Variants in NOP14 observed in about 807,000 individuals in gnomAD.
NOP14 encodes nucleolar protein 14.
In NOP14, 57 loss-of-function variants were observed where a neutral mutation model predicts 101.6. That is an observed-to-expected ratio of 0.56 (90% CI 0.45 to 0.70). The LOEUF (loss-of-function observed/expected upper bound fraction) is 0.70, where lower values mean the gene tolerates loss of function less well. NOP14 is among the 30% of genes least tolerant of loss of function. The pLI, the probability that NOP14 is intolerant of heterozygous loss-of-function variation, is 0.00. For missense variants in NOP14, 1,134 were observed against 1,075.5 expected, an observed-to-expected ratio of 1.05 and a Z score of -0.76; for synonymous variants, 428 against 424.0, an observed-to-expected ratio of 1.01 and a Z score of -0.12.
intron 15 of NOP14, chr4:2,941,357 G>C (rs1367280522): frequency 1.8e-6 from 1 of 548,550 alleles, no homozygotes; most frequent in East Asian, 3.1e-5. Context: ...CAAGGCGACA[G>C]TTCCCAGCTG....
chr4:2,941,281 A>T, intron 15 of NOP14: 1 of 385,904 alleles, frequency 2.6e-6, no homozygotes, highest in South Asian at 2.8e-5. Flanking sequence ...CTGACTGTCC[A>T]GGCCTGGCAG....
intron 1 of NOP14, 95 bp from the exon 2 acceptor site, chr4:2,957,835 T>A: frequency 8.1e-7 from 1 of 1,240,496 alleles, no homozygotes; most frequent in South Asian, 1.6e-5. Flanking sequence ...TTCAGGGCTA[T>A]GCACAGTGAT....
At chr4:2,945,908 C>T (rs1054886922) in intron 11 of NOP14, among the ~76,000 whole-genome samples, 1 of 152,040 alleles carries the variant, frequency 6.6e-6, no homozygotes. Flanking sequence ...GGCTCGCTGC[C>T]GTGCACTCTC....
chr4:2,950,409 A>G (rs537433176), intron 7 of NOP14, 196 bp from the exon 8 acceptor site: 6 of 618,152 alleles, frequency 9.7e-6, no homozygotes, highest in Non-Finnish European at 1.4e-5. Context: ...GAGCCGCAGG[A>G]GCTACAGGCT....
Position 2,950,211 on chromosome 4 carries a change from A to G in NOP14, c.1005T>C (p.Asp335=), listed in dbSNP as rs765921683. The G allele has an allele frequency of 1.2e-4, 197 of 1,613,018 alleles. No homozygotes were observed. Among genetic ancestry groups the G allele is most frequent in the Non-Finnish European group, 1.6e-4 (194 of 1,179,976 alleles). The part of the protein sequence containing the change: ...KDDRRLLSYK[D]GKMNVEEDVQ... ...CATCTTCCTCGACATTCATCTTTCC[A>G]TCCTACCAAGAGCGTGGAAACCACA... Residue 335 remains aspartate, a splice_region_variant and synonymous_variant, in exon 8 of 18, where the codon GAT becomes GAC. Transcript: ENST00000416614.
chr4:2,946,541 T>A lies in NOP14; in HGVS notation c.1506A>T (p.Leu502Phe), dbSNP rs762099577. 1.2e-6 allele frequency: 2 copies of A among 1,614,030 alleles called. No homozygotes were observed. ...LTVIDKLVVH[L>F]YHLCQMFPES... Reference sequence around the variant, plus strand: ...CAGGAAACATCTGGCAAAGATGATATAAGTGCCTGTTAAGCAGAAATGTAA... The same window carrying A: ...CAGGAAACATCTGGCAAAGATGATAAAAGTGCCTGTTAAGCAGAAATGTAA... Residue 502 changes from leucine (L) to phenylalanine (F), a missense_variant, in exon 11 of 18, where the codon TTA becomes TTT. By Grantham distance (22) the Leu-to-Phe change is conservative. Transcript: ENST00000416614.
rs1436499176 is a variant in NOP14, at chr4:2,941,696, C to T, written c.2085G>A (p.Leu695=). Residue 695 remains leucine (L), a synonymous_variant, in exon 15 of 18, where the codon CTG becomes CTA. Transcript: ENST00000416614. ...ACCCGTACATGAGCACGCAGCGCTT[C>T]AGCAGGGCCAGGCCCACAGCCAGGC... ...LSCLAVGLAL[L]KRCVLMYGSL... is the part of the protein sequence containing the mutation. 2 of 1,613,060 alleles carry T rather than the reference C, an allele frequency of 1.2e-6. No homozygotes were observed. Among genetic ancestry groups the T allele is most frequent in the East Asian group, 2.2e-5 (1 of 44,866 alleles).
chr4:2,946,502 G>A lies in NOP14; in HGVS notation c.1545C>T (p.Asp515=), dbSNP rs375106240. ...LCQMFPESAS[D]AIKFVLRDAM... Reference sequence around the variant, plus strand: ...CATCTCGGAGAACAAATTTGATAGCGTCACTTGCAGATTCAGGAAACATCT... The same window carrying A: ...CATCTCGGAGAACAAATTTGATAGCATCACTTGCAGATTCAGGAAACATCT... The change falls in exon 11 of 18, where the codon GAC becomes GAT. Residue 515 remains aspartate (D), a synonymous_variant. Coordinates refer to ENST00000416614, the MANE Select transcript of NOP14 (RefSeq NM_001291978.2). The A allele has an allele frequency of 2.9e-5, 46 of 1,613,876 alleles. No homozygotes were observed. In the East Asian group the frequency reaches 6.7e-4, roughly 23 times the overall value.
intron 1 of NOP14, among the ~76,000 whole-genome samples, chr4:2,960,118 C>T (rs1345074522): frequency 2.6e-5 from 4 of 152,104 alleles, no homozygotes; most frequent in Non-Finnish European, 4.4e-5. Flanking sequence ...TACAGGCGCA[C>T]GCTGCCACGC....
chr4:2,959,178 C>T (rs1266441138), intron 1 of NOP14, among the ~76,000 whole-genome samples: 3 of 152,196 alleles, frequency 2.0e-5, no homozygotes, highest in South Asian at 2.1e-4. Flanking sequence ...AGGCAATTTT[C>T]GTCATTTTCT....
Position 2,944,703 on chromosome 4 carries a change from G to T in NOP14, c.1737+425C>A, listed in dbSNP as rs578050950. Among the ~76,000 whole-genome samples, 23 of 152,314 alleles carry T rather than the reference G, an allele frequency of 1.5e-4. No homozygotes were observed. In the South Asian group the frequency reaches 4.6e-3, roughly 30 times the overall value. ...ATTACAGGCGTGAGCCACCGCGCCTGGCCAGAGCTATACTGATTATAAAGT... is the reference window on the plus strand; with the variant it reads ...ATTACAGGCGTGAGCCACCGCGCCTTGCCAGAGCTATACTGATTATAAAGT... On this transcript the variant is annotated intron_variant, in intron 12 of 17. Transcript: ENST00000416614.
rs944209058 is a variant in NOP14 at position 2,951,685 on chromosome 4, C to T, written c.871-440G>A. On this transcript the variant is annotated intron_variant, in intron 6 of 17. Coordinates refer to ENST00000416614, the MANE Select transcript of NOP14 (RefSeq NM_001291978.2). Reference sequence around the variant, plus strand: ...ATGTCAAAACAGCCAGCTGAGCCAGCTGTGATGGCAGCCCACACCTGTAAC... The same window carrying T: ...ATGTCAAAACAGCCAGCTGAGCCAGTTGTGATGGCAGCCCACACCTGTAAC... 9.8e-5 allele frequency among the ~76,000 whole-genome samples: 15 copies of T among 152,318 alleles called. No homozygotes were observed. In the East Asian group the frequency reaches 2.9e-3, roughly 29 times the overall value.
At position 2,963,282 on chromosome 4, in the gene NOP14, G is replaced by A. The variant is rs1360647436; in HGVS notation, c.38C>T (p.Ala13Val). 2 of 1,592,754 alleles carry A rather than the reference G, an allele frequency of 1.3e-6. No homozygotes were observed. Among genetic ancestry groups the A allele is most frequent in the Non-Finnish European group, 1.7e-6 (2 of 1,172,156 alleles). Residue 13 changes from alanine to valine, a missense_variant, in exon 1 of 18, where the codon GCC becomes GTC. Coordinates refer to ENST00000416614, the MANE Select transcript of NOP14 (RefSeq NM_001291978.2). ...KAKKVGARRK[A>V]SGAPAGARGG... ...TCGCGCTCCCGCCGGCGCCCCGGAG[G>A]CCTTCCTTCGCGCCCCGACCTTCTT... is the stretch of plus-strand genomic sequence containing the variant.
chr4:2,938,219 C>T lies in NOP14; in HGVS notation c.*612G>A. The T allele has an allele frequency of 7.8e-7, 1 of 1,289,142 alleles. No individual in the cohort carries two copies. The highest frequency in any genetic ancestry group is 1.0e-6 in the Non-Finnish European group (1 of 988,678). 79.9% of individuals were successfully genotyped at this position (1,289,142 alleles called of 1,614,324 possible). On this transcript the variant is annotated 3_prime_UTR_variant, in exon 18 of 18. Transcript: ENST00000416614. ...GGTTGGAATCACACCAACATTATAG[C>T]ATTATTACTCTAAAAAAAATTACTT...
intron 10 of NOP14, 188 bp from the exon 11 acceptor site, chr4:2,946,735 A>G (rs1236795791): frequency 3.4e-6 from 2 of 588,678 alleles, no homozygotes; most frequent in Non-Finnish European, 6.0e-6. Flanking sequence ...ACTCGGCCAT[A>G]ACATTATGGA....
intron 13 of NOP14, among the ~76,000 whole-genome samples, chr4:2,943,598 C>T (rs952694747): frequency 3.9e-5 from 6 of 152,214 alleles, no homozygotes; most frequent in African/African-American, 7.2e-5. Flanking sequence ...GAATTCAGAG[C>T]GTTAAGAGAA....
In NOP14 at chr4:2,956,798, T is replaced by C. The variant is rs1715375415; in HGVS notation, c.344A>G (p.Lys115Arg). The C allele has an allele frequency of 6.2e-7, 1 of 1,603,464 alleles. No individual in the cohort carries two copies. The highest frequency in any genetic ancestry group is 1.3e-5 in the African/African-American group (1 of 74,266). The change falls in exon 3 of 18, where the codon AAA (lysine) becomes AGA (arginine). Residue 115 changes from lysine (K) to arginine (R), a missense_variant. Coordinates refer to ENST00000416614, the MANE Select transcript of NOP14 (RefSeq NM_001291978.2). The part of the protein sequence containing the change: ...FALEQQRHHE[K>R]KSIYNLNEDE... ...TTCATTTAGATTGTAGATGCTTTTT[T>C]TCTCATGATGTCGCTGACAGAAGAG...
chr4:2,957,459 G>C (rs760798082), intron 2 of NOP14, 147 bp downstream of exon 2: 1 of 908,506 alleles, frequency 1.1e-6, no homozygotes, highest in Admixed American at 2.3e-5. Context: ...CTTTGGCCTA[G>C]CCAGATAAGG....
At chr4:2,941,989 T>C in intron 14 of NOP14, 1 of 643,914 alleles carries the variant, frequency 1.6e-6, no homozygotes, top group Non-Finnish European at 2.6e-6. Flanking sequence ...TTATGATTTG[T>C]GAAATCAAGC....
Sources: gnomAD v4.1 joint callset for allele counts (sites outside exome capture counted in the v4.1 genomes callset) on GRCh38, gnomAD v4.1.1 for gene constraint, MANE v1.5 for transcripts, NCBI Gene and HGNC (gene_info 2026-07-23, HGNC 2026-07-21) for gene names.